MYO5B: variants seen among roughly 807,000 people sequenced by gnomAD.
MYO5B encodes myosin VB.
A neutral mutation model predicts 229.3 loss-of-function variants in MYO5B; 143 were observed. The observed-to-expected ratio is 0.62, with a 90% CI of 0.54 to 0.72. MYO5B has a LOEUF of 0.72. Among genes scored for constraint, MYO5B ranks in the 30% least tolerant of loss-of-function variants. MYO5B has a pLI of 0.00. For synonymous variants in MYO5B, 918 were observed against 885.2 expected, an observed-to-expected ratio of 1.04 and a Z score of -0.66; for missense variants, 2,321 against 2,331.0, an observed-to-expected ratio of 1.00 and a Z score of 0.09.
At chr18:49,986,681 TACA>T (rs1157903480) in intron 7 of MYO5B, among the ~76,000 whole-genome samples, 3 of 152,232 alleles carry the variant, frequency 2.0e-5, no homozygotes, top group African/African-American at 7.2e-5. Flanking sequence ...CACAGAGCAA[TACA>T]ACAGTTTCAA....
chr18:49,972,883 G>C (rs186619298), intron 10 of MYO5B, among the ~76,000 whole-genome samples: 1 of 151,942 alleles, frequency 6.6e-6, no homozygotes, highest in African/African-American at 2.4e-5. Context: ...TCCCACTCTC[G>C]GTGATTCTCC....
intron 38 of MYO5B, among the ~76,000 whole-genome samples, chr18:49,836,000 G>A (rs2023982727): frequency 6.6e-6 from 1 of 152,134 alleles, no homozygotes; most frequent in South Asian, 2.1e-4. Context: ...AAGACTTTCT[G>A]GAAATGTTTA....
At chr18:49,972,601 G>A (rs572836985) in intron 10 of MYO5B, among the ~76,000 whole-genome samples, 1 of 152,228 alleles carries the variant, frequency 6.6e-6, no homozygotes, top group Non-Finnish European at 1.5e-5. Flanking sequence ...AATTGGGTCA[G>A]CTTGGGTTTC....
rs1269761733 is a variant in MYO5B at position 49,835,349 on chromosome 18, T to C, written c.5389A>G (p.Ile1797Val). The C allele has an allele frequency of 6.2e-7, 1 of 1,605,714 alleles. No individual in the cohort carries two copies. The highest frequency in any genetic ancestry group is 1.7e-5 in the Admixed American group (1 of 60,028). ...ERVTVAFIRT[I>V]QAQLQERNDP... ...ATTACTATCTTAAAACTCACCTGGA[T>C]TGTTCGTATAAAGGCCACTGTTACC... is the stretch of plus-strand genomic sequence containing the variant. The change falls in exon 39 of 40, where the codon ATC (isoleucine) becomes GTC (valine). Residue 1797 changes from isoleucine (I) to valine (V), a missense_variant. Ile to Val is a conservative substitution (Grantham distance 29, BLOSUM62 3). This residue lies in a region of MYO5B where 208 missense variants were observed against 286.3 expected (regional missense o/e 0.73). Coordinates refer to ENST00000285039, the MANE Select transcript of MYO5B (RefSeq NM_001080467.3).
intron 30 of MYO5B, among the ~76,000 whole-genome samples, chr18:49,855,581 C>G (rs776161580): frequency 6.6e-6 from 1 of 152,174 alleles, no homozygotes; most frequent in Non-Finnish European, 1.5e-5. Context: ...GAAGTAGCAG[C>G]TAATATTTAT....
intron 1 of MYO5B, among the ~76,000 whole-genome samples, chr18:50,174,516 C>T (rs1167125453): frequency 1.3e-5 from 2 of 152,182 alleles, no homozygotes; most frequent in African/African-American, 4.8e-5. Context: ...CCCTCTTTGT[C>T]CTCCCTACCT....
intron 1 of MYO5B, among the ~76,000 whole-genome samples, chr18:50,177,005 C>T (rs2033006060): frequency 6.6e-6 from 1 of 152,156 alleles, no homozygotes; most frequent in Non-Finnish European, 1.5e-5. Flanking sequence ...TAAGATGAAA[C>T]ATGTTGCACT....
At chr18:50,152,718 A>G (rs555125841) in intron 1 of MYO5B, among the ~76,000 whole-genome samples, 5 of 152,262 alleles carry the variant, frequency 3.3e-5, no homozygotes, top group African/African-American at 7.2e-5. Context: ...CTTTTTTTAT[A>G]TTTTGATTTT....
chr18:49,954,718 A>C (rs552119049), intron 12 of MYO5B, among the ~76,000 whole-genome samples: 34 of 152,260 alleles, frequency 2.2e-4, no homozygotes, highest in Admixed American at 1.1e-3. Flanking sequence ...TGAGGGTGAA[A>C]GCCAAGGTCA....
intron 1 of MYO5B, among the ~76,000 whole-genome samples, chr18:50,167,220 C>A (rs934550137): frequency 6.6e-6 from 1 of 152,200 alleles, no homozygotes; most frequent in Non-Finnish European, 1.5e-5. Context: ...TCTACTTCTG[C>A]CTACTAGTGT....
chr18:49,875,980 CAACTA>C (rs2024517876), intron 25 of MYO5B, among the ~76,000 whole-genome samples, 153 bp from the exon 26 acceptor site: 1 of 152,226 alleles, frequency 6.6e-6, no homozygotes, highest in Admixed American at 6.5e-5. Flanking sequence ...CAATGACAAC[CAACTA>C]ACATTTCTCA....
At chr18:49,974,675 A>G (rs2025726178) in intron 9 of MYO5B, 60 bp from the exon 10 acceptor site, 2 of 1,572,538 alleles carry the variant, frequency 1.3e-6, no homozygotes. Flanking sequence ...GCCCCCCACC[A>G]ATGTCTTCCA....
At chr18:49,849,805 C>A in intron 31 of MYO5B, 145 bp from the exon 32 acceptor site, 1 of 732,336 alleles carries the variant, frequency 1.4e-6, no homozygotes. Context: ...GCCAGGAGAG[C>A]TGCTCTTCAC....
chr18:49,967,044 G>T (rs544375391), intron 10 of MYO5B, among the ~76,000 whole-genome samples: 1 of 152,276 alleles, frequency 6.6e-6, no homozygotes, highest in South Asian at 2.1e-4. Context: ...ATGCTAAAGA[G>T]AACTGAATTT....
intron 4 of MYO5B, among the ~76,000 whole-genome samples, chr18:50,012,149 T>C (rs2026168697): frequency 6.6e-6 from 1 of 152,230 alleles, no homozygotes; most frequent in Non-Finnish European, 1.5e-5. Context: ...GGCCCAGATA[T>C]TTGTTTTTAA....
intron 27 of MYO5B, among the ~76,000 whole-genome samples, chr18:49,867,011 A>G (rs2024403461): frequency 6.6e-6 from 1 of 152,180 alleles, no homozygotes; most frequent in South Asian, 2.1e-4. Flanking sequence ...TGCCGGGGAA[A>G]TGCTGTCATG....
At chr18:49,995,182 G>A (rs531543275) in intron 5 of MYO5B, among the ~76,000 whole-genome samples, 3 of 152,010 alleles carry the variant, frequency 2.0e-5, no homozygotes, top group African/African-American at 7.2e-5. Flanking sequence ...CACCACACAT[G>A]TGGGCAACTT....
chr18:50,072,218 A>G (rs191713157), intron 1 of MYO5B, among the ~76,000 whole-genome samples: 1 of 151,856 alleles, frequency 6.6e-6, no homozygotes, highest in East Asian at 1.9e-4. Context: ...AACTTACATA[A>G]CCAGGAACCA....
chr18:50,085,218 GA>G (rs1313346194), intron 1 of MYO5B, among the ~76,000 whole-genome samples: 1 of 151,916 alleles, frequency 6.6e-6, no homozygotes, highest in African/African-American at 2.4e-5. Context: ...AAATTTATAA[GA>G]AAAAAACAAA....
Sources: allele counts gnomAD v4.1 joint callset (sites outside exome capture counted in the v4.1 genomes callset), GRCh38; gene constraint gnomAD v4.1.1; regional missense constraint gnomAD v4.1.1; transcripts MANE v1.5; gene names NCBI Gene and HGNC (gene_info 2026-07-23, HGNC 2026-07-21).